Variants in DYM observed in about 807,000 individuals in gnomAD.
The protein encoded by DYM is dymeclin.
Under a neutral mutation model 93.1 loss-of-function variants are expected in DYM, and 78 were observed. The observed-to-expected ratio is 0.84, with a 90% confidence interval of 0.70 to 1.01. The LOEUF is 1.01. DYM is among the 50% of genes least tolerant of loss of function. The pLI, the probability that DYM is intolerant of heterozygous loss-of-function variation, is 0.00. For missense variants in DYM, 789 were observed against 845.0 expected (o/e 0.93, Z 0.82); for synonymous variants, 321 against 319.7 (o/e 1.00, Z -0.04).
intron 13 of DYM, among the ~76,000 whole-genome samples, chr18:49,211,080 C>G (rs2092760960): frequency 6.6e-6 from 1 of 152,090 alleles, no homozygotes; most frequent in South Asian, 2.1e-4. Flanking sequence ...CTTAGAAATC[C>G]TTTGGAAAAG....
At chr18:49,150,870 A>G (rs2085740062) in intron 15 of DYM, among the ~76,000 whole-genome samples, 1 of 152,236 alleles carries the variant, frequency 6.6e-6, no homozygotes, top group Non-Finnish European at 1.5e-5. Flanking sequence ...TGCCCTGTTG[A>G]TTATTAAACA....
At chr18:49,299,169 T>A (rs1178483658) in intron 8 of DYM, among the ~76,000 whole-genome samples, 9 of 152,110 alleles carry the variant, frequency 5.9e-5, no homozygotes, top group South Asian at 2.1e-4. Context: ...GAAAACTTTT[T>A]AAAAAAATCT....
intron 8 of DYM, among the ~76,000 whole-genome samples, chr18:49,313,646 C>G (rs576528598): frequency 6.6e-6 from 1 of 152,186 alleles, no homozygotes; most frequent in Admixed American, 6.5e-5. Context: ...ACTGCTCTGT[C>G]TACGGAGTCG....
At chr18:49,128,710 CA>C (rs1290039252) in intron 15 of DYM, among the ~76,000 whole-genome samples, 7 of 151,810 alleles carry the variant, frequency 4.6e-5, no homozygotes, top group Non-Finnish European at 7.4e-5. Flanking sequence ...TTAATATAAC[CA>C]AAAAATGTAA....
At chr18:49,062,390 A>C (rs2076052340) in intron 17 of DYM, among the ~76,000 whole-genome samples, 1 of 152,204 alleles carries the variant, frequency 6.6e-6, no homozygotes, top group Admixed American at 6.5e-5. Context: ...CCTGCTGACT[A>C]TGACCTAGTC....
chr18:49,351,231 G>A (rs1169176878), intron 6 of DYM, among the ~76,000 whole-genome samples: 1 of 152,060 alleles, frequency 6.6e-6, no homozygotes, highest in East Asian at 1.9e-4. Context: ...AGACCAGCCT[G>A]GCCAACATGG....
chr18:49,093,734 C>T (rs1281962611), intron 17 of DYM, among the ~76,000 whole-genome samples: 8 of 152,010 alleles, frequency 5.3e-5, no homozygotes, highest in Non-Finnish European at 1.2e-4. Flanking sequence ...CCCAAGGGGC[C>T]CTCCCAGTAC....
intron 2 of DYM, among the ~76,000 whole-genome samples, chr18:49,422,081 G>A (rs1169872840): frequency 7.9e-5 from 12 of 152,184 alleles, no homozygotes; most frequent in Non-Finnish European, 1.3e-4. Context: ...AAAACACTCT[G>A]CAGGATATTA....
At chr18:49,417,531 T>C (rs532082224) in intron 2 of DYM, among the ~76,000 whole-genome samples, 7 of 151,116 alleles carry the variant, frequency 4.6e-5, no homozygotes, top group Non-Finnish European at 8.8e-5. Context: ...AAATGGTAAA[T>C]CCAATTAATT....
At chr18:49,430,484 A>C in intron 1 of DYM, 37 bp from the exon 2 acceptor site, 1 of 1,491,210 alleles carries the variant, frequency 6.7e-7, no homozygotes, top group Non-Finnish European at 9.2e-7. Flanking sequence ...AAACTTGTTC[A>C]AAAGTCATCA....
intron 16 of DYM, among the ~76,000 whole-genome samples, chr18:49,110,680 T>TA (rs1262328275): frequency 6.6e-6 from 1 of 152,096 alleles, no homozygotes; most frequent in Non-Finnish European, 1.5e-5. Flanking sequence ...TAATGTCTTT[T>TA]AAAAAAATGG....
At chr18:49,086,675 T>A (rs1248456698) in intron 17 of DYM, among the ~76,000 whole-genome samples, 1 of 152,090 alleles carries the variant, frequency 6.6e-6, no homozygotes, top group East Asian at 1.9e-4. Flanking sequence ...TGGAGCCTCA[T>A]GAAGGGGATT....
chr18:49,216,222 C>T (rs2093035786), intron 13 of DYM, among the ~76,000 whole-genome samples: 1 of 152,190 alleles, frequency 6.6e-6, no homozygotes. Flanking sequence ...ATTGCCCAGG[C>T]TTTCTTAGGT....
chr18:49,216,241 C>T (rs1306286241), intron 13 of DYM, among the ~76,000 whole-genome samples: 1 of 152,198 alleles, frequency 6.6e-6, no homozygotes, highest in Admixed American at 6.5e-5. Flanking sequence ...GTAAATAAAG[C>T]AGCCGGGAAG....
intron 1 of DYM, among the ~76,000 whole-genome samples, chr18:49,444,397 CT>C (rs1052205776): frequency 6.6e-6 from 1 of 152,138 alleles, no homozygotes. Context: ...TTGCTGCAGA[CT>C]TGATATATCT....
At chr18:49,141,036 T>C (rs888705661) in intron 15 of DYM, among the ~76,000 whole-genome samples, 5 of 152,222 alleles carry the variant, frequency 3.3e-5, no homozygotes, top group Non-Finnish European at 7.3e-5. Flanking sequence ...GTGGTTTTTC[T>C]GATTCCTTTT....
chr18:49,053,056 C>T (rs1599378074), intron 17 of DYM, among the ~76,000 whole-genome samples: 1 of 152,232 alleles, frequency 6.6e-6, no homozygotes, highest in Non-Finnish European at 1.5e-5. Context: ...CTACTTACAG[C>T]AATCCTGTTG....
rs570245788 is a variant in DYM, at chr18:49,360,149, G to A, written c.494+3012C>T. On this transcript the variant is annotated intron_variant, in intron 6 of 17. Coordinates refer to ENST00000675505, the MANE Select transcript of DYM (RefSeq NM_001353214.3). ...ACAACACAATCGGCTTGCTCCTCAA[G>A]AGTGTTTAAATGGCTGCTCTATTCA... 3.9e-5 allele frequency among the ~76,000 whole-genome samples: 6 copies of A among 151,966 alleles called. No homozygotes were observed. The East Asian group carries it at 1.2e-3, about 29-fold the overall frequency.
intron 14 of DYM, among the ~76,000 whole-genome samples, chr18:49,200,401 T>C (rs887296201): frequency 7.9e-5 from 12 of 152,006 alleles, no homozygotes; most frequent in African/African-American, 2.7e-4. Context: ...TATAATTTTA[T>C]ATTTTTTTCA....
Sources: allele counts gnomAD v4.1 joint callset (sites outside exome capture counted in the v4.1 genomes callset), GRCh38; gene constraint gnomAD v4.1.1; transcripts MANE v1.5; gene names NCBI Gene and HGNC (gene_info 2026-07-23, HGNC 2026-07-21).